The following ADAMTS9 variants were observed in gnomAD, a reference collection of about 807,000 sequenced individuals.
ADAMTS9 encodes A disintegrin and metalloproteinase with thrombospondin motifs 9.
A neutral mutation model predicts 257.1 loss-of-function variants in ADAMTS9; 107 were observed. The ratio of observed to expected loss-of-function variants is 0.42; its 90% CI spans 0.36 to 0.49. ADAMTS9 has a LOEUF of 0.49. Ranked by LOEUF, ADAMTS9 falls within the 20% of genes least tolerant of loss-of-function variation. ADAMTS9 has a pLI of 0.03. For synonymous variants in ADAMTS9, 982 were observed against 880.9 expected, an observed-to-expected ratio of 1.11 and a Z score of -2.03; for missense variants, 2,353 against 2,469.1, an observed-to-expected ratio of 0.95 and a Z score of 1.00.
intron 16 of ADAMTS9, among the ~76,000 whole-genome samples, chr3:64,629,558 C>T (rs1051884535): frequency 6.6e-5 from 10 of 152,216 alleles, no homozygotes; most frequent in Non-Finnish European, 1.3e-4. Flanking sequence ...TCAAACATTT[C>T]AACTCTACTG....
Position 64,516,248 on chromosome 3 carries a change from G to C in ADAMTS9, c.*879C>G, listed in dbSNP as rs903152064. 1.3e-5 allele frequency: 2 copies of C among 152,540 alleles called. No individual in the cohort carries two copies. The highest frequency in any genetic ancestry group is 4.8e-5 in the African/African-American group (2 of 41,428). The allele number at this position is 152,540 out of a possible 1,614,324, so 9.4% of individuals were successfully genotyped here. ...AGAGTATCTTGGCAAAATGGTGAGAGGATCTCACTTTCCCAATATCACTCT... is the reference window on the plus strand; with the variant it reads ...AGAGTATCTTGGCAAAATGGTGAGACGATCTCACTTTCCCAATATCACTCT... On this transcript the variant is annotated 3_prime_UTR_variant, in exon 40 of 40. Coordinates refer to ENST00000498707, the MANE Select transcript of ADAMTS9 (RefSeq NM_182920.2).
Position 64,641,841 on chromosome 3 carries a change from G to A in ADAMTS9, c.1856+7C>T. 1.2e-6 allele frequency: 2 copies of A among 1,613,858 alleles called. No homozygotes were observed. Among genetic ancestry groups the A allele is most frequent in the East Asian group, 2.2e-5 (1 of 44,842 alleles). On this transcript the variant is annotated splice_region_variant and intron_variant, in intron 12 of 39. Coordinates refer to ENST00000498707, the MANE Select transcript of ADAMTS9 (RefSeq NM_182920.2). Reference sequence around the variant, plus strand: ...CAGTAATAACAGTTATACATTCTAGGACTTACTCTGGTCTGTTGCACTCTC... The same window carrying A: ...CAGTAATAACAGTTATACATTCTAGAACTTACTCTGGTCTGTTGCACTCTC...
chr3:64,655,653 T>A lies in ADAMTS9; in HGVS notation c.1092A>T (p.Leu364Phe), dbSNP rs1159780831. 6.2e-7 allele frequency: 1 copy of A among 1,614,222 alleles called. No homozygotes were observed. Among genetic ancestry groups the A allele is most frequent in the Admixed American group, 1.7e-5 (1 of 60,028 alleles). Residue 364 changes from leucine to phenylalanine, a missense_variant, in exon 6 of 40, where the codon TTA (leucine) becomes TTT (phenylalanine). Leu to Phe is a conservative substitution (Grantham distance 22). Coordinates refer to ENST00000498707, the MANE Select transcript of ADAMTS9 (RefSeq NM_182920.2). ...AATGCTGCCACTGGCAAAAGTTTTT[T>A]AATGTTGTCTGAGCATTAAAAGATA... is the stretch of plus-strand genomic sequence containing the variant. ...PSISFNAQTT[L>F]KNFCQWQHSK...
intron 3 of ADAMTS9, among the ~76,000 whole-genome samples, chr3:64,669,682 G>A (rs1284421450): frequency 6.6e-6 from 1 of 152,170 alleles, no homozygotes; most frequent in East Asian, 1.9e-4. Flanking sequence ...GTCAGAAAGT[G>A]TATGGATGAA....
chr3:64,520,294 T>G lies in ADAMTS9; in HGVS notation c.*5+1872A>C, dbSNP rs369546450. Among the ~76,000 whole-genome samples, 84 of 152,122 alleles carry G rather than the reference T, an allele frequency of 5.5e-4. No homozygotes were observed. In the South Asian group the frequency reaches 0.01, roughly 18 times the overall value. On this transcript the variant is annotated intron_variant, in intron 39 of 39. Coordinates refer to ENST00000498707, the MANE Select transcript of ADAMTS9 (RefSeq NM_182920.2). ...AAACATTGCTTAAGGAAATCATAGA[T>G]GACACAAATAGAAAAACGTTCCATG...
intron 30 of ADAMTS9, among the ~76,000 whole-genome samples, chr3:64,557,499 C>T (rs572332058): frequency 5.9e-5 from 9 of 152,110 alleles, no homozygotes; most frequent in Admixed American, 1.3e-4. Context: ...CTGACCACTG[C>T]GAGGACAAAT....
At position 64,540,671 on chromosome 3, in the gene ADAMTS9, C is replaced by T. The variant is rs79151038; in HGVS notation, c.5521+424G>A. Among the ~76,000 whole-genome samples, 305 of 152,296 alleles carry T rather than the reference C, an allele frequency of 2.0e-3. 5 individuals carry two copies. The East Asian group carries it at 0.043, about 21-fold the overall frequency. ...CTTCTGCTACCAGCTCTGCTTCCCCCACACTGACCCCTGTGCCTGGCTAAC... is the reference window on the plus strand; with the variant it reads ...CTTCTGCTACCAGCTCTGCTTCCCCTACACTGACCCCTGTGCCTGGCTAAC... On this transcript the variant is annotated intron_variant, in intron 36 of 39. Transcript: ENST00000498707.
chr3:64,566,757 T>TA (rs886836157), intron 29 of ADAMTS9, among the ~76,000 whole-genome samples: 20 of 145,782 alleles, frequency 1.4e-4, no homozygotes, highest in Middle Eastern at 7.2e-3. Flanking sequence ...CAAGGAACAT[T>TA]AAAAAAAAAA....
At chr3:64,633,936 A>G in intron 12 of ADAMTS9, 57 bp from the exon 13 acceptor site, 1 of 1,450,944 alleles carries the variant, frequency 6.9e-7, no homozygotes, top group Non-Finnish European at 9.5e-7. Context: ...ATTCCTCTGA[A>G]CATCACTCCT....
chr3:64,571,448 A>G (rs2083683231), intron 28 of ADAMTS9, among the ~76,000 whole-genome samples: 1 of 152,236 alleles, frequency 6.6e-6, no homozygotes, highest in African/African-American at 2.4e-5. Flanking sequence ...CTCACTGATA[A>G]AAATTCATCT....
chr3:64,585,995 T>G (rs2084140090), intron 28 of ADAMTS9, among the ~76,000 whole-genome samples: 1 of 152,128 alleles, frequency 6.6e-6, no homozygotes, highest in South Asian at 2.1e-4. Flanking sequence ...CCCTTTCCAC[T>G]CATGTTACAT....
intron 3 of ADAMTS9, among the ~76,000 whole-genome samples, chr3:64,666,570 AG>A (rs1701358375): frequency 6.6e-6 from 1 of 152,114 alleles, no homozygotes; most frequent in South Asian, 2.1e-4. Flanking sequence ...CCTCCCCTAA[AG>A]CTACTCTAGT....
intron 37 of ADAMTS9, among the ~76,000 whole-genome samples, chr3:64,535,130 TAC>T (rs2083033376): frequency 6.6e-6 from 1 of 152,092 alleles, no homozygotes; most frequent in South Asian, 2.1e-4. Flanking sequence ...GTAATCCTAG[TAC>T]TTTGGGAGGC....
intron 29 of ADAMTS9, among the ~76,000 whole-genome samples, chr3:64,567,950 T>G (rs2083583108): frequency 6.6e-6 from 1 of 152,166 alleles, no homozygotes. Flanking sequence ...TTCTAGAACT[T>G]TCGTCAACAG....
intron 30 of ADAMTS9, among the ~76,000 whole-genome samples, chr3:64,559,817 A>C (rs929916237): frequency 4.6e-5 from 7 of 152,236 alleles, no homozygotes; most frequent in Non-Finnish European, 8.8e-5. Context: ...GCATTTTCAA[A>C]AGCTGGCTAA....
intron 3 of ADAMTS9, among the ~76,000 whole-genome samples, chr3:64,679,238 A>C (rs539376979): frequency 1.3e-5 from 2 of 152,308 alleles, no homozygotes; most frequent in African/African-American, 4.8e-5. Flanking sequence ...TGAACCTTGA[A>C]GATTTTTTTG....
At chr3:64,637,396 G>A (rs764119710) in intron 12 of ADAMTS9, among the ~76,000 whole-genome samples, 59 of 152,286 alleles carry the variant, frequency 3.9e-4, no homozygotes, top group Middle Eastern at 3.4e-3. Flanking sequence ...AATAGGGATA[G>A]GGAGGGTTTA....
rs779279115 is a variant in ADAMTS9 at position 64,594,376 on chromosome 3, T to A, written c.4238A>T (p.Asn1413Ile). 6.2e-7 allele frequency: 1 copy of A among 1,614,058 alleles called. No homozygotes were observed. The highest frequency in any genetic ancestry group is 1.7e-5 in the Admixed American group (1 of 60,018). ...GCTCAAATCTGGAAACCGTTCACCG[T>A]TGGACCGCTGACAGACCACCAGTCT... ...RTRLVVCQRS[N>I]GERFPDLSCE... Residue 1413 changes from asparagine (N) to isoleucine (I), a missense_variant, in exon 28 of 40, where the codon AAC becomes ATC. Asn to Ile is a moderately radical substitution (Grantham distance 149). Coordinates refer to ENST00000498707, the MANE Select transcript of ADAMTS9 (RefSeq NM_182920.2).
intron 28 of ADAMTS9, among the ~76,000 whole-genome samples, chr3:64,591,465 A>G (rs2106782609): frequency 1.3e-5 from 2 of 152,268 alleles, no homozygotes; most frequent in South Asian, 4.1e-4. Context: ...CCTTATTTCA[A>G]AAACAAACAC....
Sources: gnomAD v4.1 joint callset for allele counts (sites outside exome capture counted in the v4.1 genomes callset) on GRCh38, gnomAD v4.1.1 for gene constraint, MANE v1.5 for transcripts, NCBI Gene and HGNC (gene_info 2026-07-23, HGNC 2026-07-21) for gene names.